The following CACHD1 variants were observed in gnomAD, a reference collection of about 807,000 sequenced individuals.
CACHD1 encodes the protein cache domain containing 1, also known as VWFA and cache domain-containing protein 1.
Under a neutral mutation model 138.7 loss-of-function variants are expected in CACHD1, and 71 were observed. The ratio of observed to expected loss-of-function variants is 0.51; its 90% CI spans 0.42 to 0.62. The LOEUF (loss-of-function observed/expected upper bound fraction) is 0.62, where lower values mean the gene tolerates loss of function less well. Ranked by LOEUF, CACHD1 falls within the 20% of genes least tolerant of loss-of-function variation. CACHD1 has a pLI of 0.00. For synonymous variants in CACHD1, 578 were observed against 591.5 expected, an observed-to-expected ratio of 0.98 and a Z score of 0.33; for missense variants, 1,389 against 1,625.3, an observed-to-expected ratio of 0.85 and a Z score of 2.50.
chr1:64,681,953 C>CAATG, intron 25 of CACHD1, 52 bp from the exon 26 acceptor site: 1 of 1,484,286 alleles, frequency 6.7e-7, no homozygotes, highest in Non-Finnish European at 9.4e-7. Flanking sequence ...GTGTTTGAAA[C>CAATG]AATGGAGATA....
chr1:64,538,183 T>A (rs1646649515), intron 1 of CACHD1, among the ~76,000 whole-genome samples: 1 of 152,198 alleles, frequency 6.6e-6, no homozygotes, highest in African/African-American at 2.4e-5. Flanking sequence ...GGGAGTCATT[T>A]ATGTAATCAT....
chr1:64,493,753 C>T (rs1459364406), intron 1 of CACHD1, among the ~76,000 whole-genome samples: 1 of 152,178 alleles, frequency 6.6e-6, no homozygotes, highest in African/African-American at 2.4e-5. Context: ...CTCCCTCCTC[C>T]CTGCCACACA....
intron 1 of CACHD1, among the ~76,000 whole-genome samples, chr1:64,525,209 G>T (rs1471711657): frequency 6.6e-6 from 1 of 152,136 alleles, no homozygotes; most frequent in African/African-American, 2.4e-5. Context: ...GACAAGAAAA[G>T]TTTGGTATTA....
At chr1:64,654,272 G>T (rs1649194071) in intron 11 of CACHD1, among the ~76,000 whole-genome samples, 1 of 152,166 alleles carries the variant, frequency 6.6e-6, no homozygotes, top group Admixed American at 6.5e-5. Flanking sequence ...TGGCAAAGTA[G>T]CGTCCATTCC....
intron 1 of CACHD1, among the ~76,000 whole-genome samples, chr1:64,540,069 A>G (rs1253021599): frequency 6.6e-6 from 1 of 152,170 alleles, no homozygotes; most frequent in Non-Finnish European, 1.5e-5. Context: ...ATTGCGTGAG[A>G]CAGTAATTAA....
intron 1 of CACHD1, among the ~76,000 whole-genome samples, chr1:64,520,648 G>A (rs1646491472): frequency 6.6e-6 from 1 of 152,224 alleles, no homozygotes; most frequent in African/African-American, 2.4e-5. Context: ...TGTTACTAAT[G>A]TCACGCTGTA....
At chr1:64,493,328 A>T (rs1046929802) in intron 1 of CACHD1, among the ~76,000 whole-genome samples, 3 of 152,136 alleles carry the variant, frequency 2.0e-5, no homozygotes, top group African/African-American at 7.2e-5. Context: ...ATGAGGTGAA[A>T]AGCTGAATCC....
chr1:64,519,378 G>A (rs1176548958), intron 1 of CACHD1, among the ~76,000 whole-genome samples: 1 of 152,172 alleles, frequency 6.6e-6, no homozygotes, highest in East Asian at 1.9e-4. Context: ...GATACCATAA[G>A]GAGGTCTGAT....
intron 1 of CACHD1, among the ~76,000 whole-genome samples, chr1:64,537,396 C>G (rs1020854710): frequency 2.6e-5 from 4 of 152,154 alleles, no homozygotes; most frequent in African/African-American, 9.7e-5. Flanking sequence ...CTAAAGTAAA[C>G]TGGAGATTTG....
In CACHD1 at chr1:64,653,997, A is replaced by G. The variant is rs769528261; in HGVS notation, c.1664+116A>G. 4.4e-6 allele frequency: 4 copies of G among 919,378 alleles called. 1 individual carries two copies. In the Admixed American group the frequency reaches 8.5e-5, roughly 20 times the overall value. The allele number at this position is 919,378 out of a possible 1,614,324, so 57.0% of individuals were successfully genotyped here. ...CAAGTGTATAAATTATTTTAATGTT[A>G]TCAAAAGTATTCTCAGTAATGTTTC... On this transcript the variant is annotated intron_variant, in intron 11 of 26. Coordinates refer to ENST00000651257, the MANE Select transcript of CACHD1 (RefSeq NM_020925.4).
At chr1:64,542,324 A>T (rs904807930) in intron 1 of CACHD1, among the ~76,000 whole-genome samples, 2 of 152,052 alleles carry the variant, frequency 1.3e-5, no homozygotes, top group Non-Finnish European at 2.9e-5. Context: ...ATTTTTTTTT[A>T]ATTCCCAAAG....
At chr1:64,595,755 A>G (rs1312436304) in intron 3 of CACHD1, among the ~76,000 whole-genome samples, 1 of 152,226 alleles carries the variant, frequency 6.6e-6, no homozygotes, top group East Asian at 1.9e-4. Context: ...GAAGTGAGAC[A>G]CAAGGTCACA....
chr1:64,557,772 T>C (rs1646809525), intron 2 of CACHD1, among the ~76,000 whole-genome samples: 1 of 151,604 alleles, frequency 6.6e-6, no homozygotes, highest in Admixed American at 6.6e-5. Flanking sequence ...TTCTTTTTCT[T>C]TTTCTCTTTT....
At chr1:64,547,089 G>A (rs372178239) in intron 1 of CACHD1, among the ~76,000 whole-genome samples, 54 of 152,086 alleles carry the variant, frequency 3.6e-4, no homozygotes, top group African/African-American at 1.3e-3. Flanking sequence ...TTTTTACCTG[G>A]GATATATTTT....
At chr1:64,481,937 A>G (rs1646213791) in intron 1 of CACHD1, among the ~76,000 whole-genome samples, 1 of 152,192 alleles carries the variant, frequency 6.6e-6, no homozygotes, top group South Asian at 2.1e-4. Context: ...TAAGGATTCT[A>G]TATAGGAAAA....
At chr1:64,568,522 T>G (rs1227241765) in intron 2 of CACHD1, among the ~76,000 whole-genome samples, 3 of 152,304 alleles carry the variant, frequency 2.0e-5, no homozygotes, top group African/African-American at 7.2e-5. Flanking sequence ...AGCCACCTGA[T>G]AGCTCCCCAT....
At chr1:64,530,830 C>G (rs1216419679) in intron 1 of CACHD1, among the ~76,000 whole-genome samples, 2 of 150,330 alleles carry the variant, frequency 1.3e-5, no homozygotes, top group Admixed American at 1.3e-4. Flanking sequence ...GAGATGGCAC[C>G]ACTGCACTCC....
chr1:64,487,206 G>A (rs1390435895), intron 1 of CACHD1, among the ~76,000 whole-genome samples: 1 of 152,166 alleles, frequency 6.6e-6, no homozygotes, highest in Admixed American at 6.5e-5. Context: ...TGCTTAGAAG[G>A]ATCCCTCTGG....
At chr1:64,521,662 T>G (rs998656320) in intron 1 of CACHD1, among the ~76,000 whole-genome samples, 1 of 152,250 alleles carries the variant, frequency 6.6e-6, no homozygotes, top group Non-Finnish European at 1.5e-5. Flanking sequence ...ATAATGCTGC[T>G]GTAAGTGTTT....
Sources: allele counts gnomAD v4.1 joint callset (sites outside exome capture counted in the v4.1 genomes callset), GRCh38; gene constraint gnomAD v4.1.1; transcripts MANE v1.5; gene names NCBI Gene and HGNC (gene_info 2026-07-23, HGNC 2026-07-21).